Variants in PROZ observed in about 807,000 individuals in gnomAD.
PROZ encodes vitamin K-dependent protein Z.
Under a neutral mutation model 34.9 loss-of-function variants are expected in PROZ, and 46 were observed. The ratio of observed to expected loss-of-function variants is 1.32; its 90% CI spans 1.04 to 1.69. The LOEUF (loss-of-function observed/expected upper bound fraction) is 1.69. Ranked by LOEUF, PROZ falls within the 40% of genes most tolerant of loss-of-function variation. The pLI is 0.00. For missense variants in PROZ, 530 were observed against 520.4 expected, an observed-to-expected ratio of 1.02 and a Z score of -0.18; for synonymous variants, 195 against 208.5, an observed-to-expected ratio of 0.94 and a Z score of 0.56.
At position 113,171,834 on chromosome 13, in the gene PROZ, G is replaced by A; in HGVS notation, c.932G>A (p.Gly311Asp). 6.2e-7 allele frequency: 1 copy of A among 1,613,640 alleles called. No homozygotes were observed. The highest frequency in any genetic ancestry group is 1.3e-5 in the African/African-American group (1 of 75,056). The change falls in exon 8 of 8, where the codon GGC (glycine) becomes GAC (aspartate). Residue 311 changes from glycine (G) to aspartate (D), a missense_variant. By Grantham distance (94) the Gly-to-Asp change is moderately conservative. Coordinates refer to ENST00000375547, the MANE Select transcript of PROZ (RefSeq NM_003891.3). This position sits in a 1 kb window ranked among gnomAD's most constrained non-coding sequence, Gnocchi z 5.1. The part of the protein sequence containing the change: ...SGWARNGTDL[G>D]NSLTTRPVTL... ...TGGGCACGCAATGGCACTGACCTGG[G>A]CAACTCGCTGACCACGCGGCCTGTC...
At chr13:113,167,363 G>A (rs944934194) in intron 6 of PROZ, among the ~76,000 whole-genome samples, 3 of 152,192 alleles carry the variant, frequency 2.0e-5, no homozygotes, top group South Asian at 2.1e-4. Context: ...CAGGAACGAC[G>A]CCACGGTAAA....
rs146163809 is a variant in PROZ at position 113,165,114 on chromosome 13, G to A, written c.567G>A (p.Pro189=). ...EKRAPDLQDL[P]WQVKLTNSEG... ...GTGCACCGGATCTACAGGACCTCCC[G>A]TGGCAGGTAACAGAGCGCTCTCCGC... Residue 189 remains proline, a synonymous_variant, in exon 6 of 8, where the codon CCG becomes CCA. Coordinates refer to ENST00000375547, the MANE Select transcript of PROZ (RefSeq NM_003891.3). 12 of 1,611,494 alleles carry A rather than the reference G, an allele frequency of 7.4e-6. No homozygotes were observed. Among genetic ancestry groups the A allele is most frequent in the South Asian group, 3.3e-5 (3 of 91,076 alleles).
rs566235490 is a variant in PROZ at position 113,159,667 on chromosome 13, T to C, written c.71-347T>C. 6.6e-6 allele frequency among the ~76,000 whole-genome samples: 1 copy of C among 152,322 alleles called. No individual in the cohort carries two copies. The highest frequency in any genetic ancestry group is 2.4e-5 in the African/African-American group (1 of 41,582). On this transcript the variant is annotated intron_variant, in intron 1 of 7. Transcript: ENST00000375547. This position sits in a 1 kb window ranked among gnomAD's most constrained non-coding sequence, Gnocchi z 4.6. ...GGAGCTGATGGCTCTTGGTCCCCAG[T>C]TCTCAGTACGGGGACCTTTGACCCC...
In PROZ at chr13:113,159,932, C is replaced by T; in HGVS notation, c.71-82C>T. On this transcript the variant is annotated intron_variant, in intron 1 of 7. Transcript: ENST00000375547. The surrounding 1 kb of genome is among the most constrained non-coding windows in gnomAD (Gnocchi z 4.6). ...AGACGGACGGGGCTGGGGCTGGCGG[C>T]CGGCCGGGGAGGAAGCCAGGCAGCT... 4 of 1,553,366 alleles carry T rather than the reference C, an allele frequency of 2.6e-6. No homozygotes were observed. The South Asian group carries it at 4.5e-5, about 17-fold the overall frequency.
chr13:113,167,859 C>G (rs934195544), intron 6 of PROZ, among the ~76,000 whole-genome samples: 1 of 152,108 alleles, frequency 6.6e-6, no homozygotes, highest in African/African-American at 2.4e-5. Flanking sequence ...TTCTTTTCCC[C>G]TTTTTCTGCC....
rs2036865955 is a variant in PROZ at position 113,164,638 on chromosome 13, C to A, written c.499C>A (p.Pro167Thr). 2 of 1,613,670 alleles carry A rather than the reference C, an allele frequency of 1.2e-6. No individual in the cohort carries two copies. Among genetic ancestry groups the A allele is most frequent in the Non-Finnish European group, 8.5e-7 (1 of 1,179,950 alleles). The change falls in exon 5 of 8, where the codon CCC (proline) becomes ACC (threonine). Residue 167 changes from proline to threonine, a missense_variant. Pro to Thr is a conservative substitution (Grantham distance 38). Transcript: ENST00000375547. ...TGGTGAGGACCACAAACAGTGTGTG[C>A]CCCACGGTGAGTGCTCAGACCACAG... is the stretch of plus-strand genomic sequence containing the variant. Reference protein sequence around the residue: ...RLGEDHKQCVPHDQCACGVLT... With the variant: ...RLGEDHKQCVTHDQCACGVLT...
intron 7 of PROZ, 105 bp downstream of exon 7, chr13:113,170,635 A>G (rs2037083756): frequency 1.3e-6 from 1 of 763,512 alleles, no homozygotes; most frequent in Non-Finnish European, 2.3e-6. Flanking sequence ...AATGCAACAT[A>G]GAACTGAATT....
At position 113,171,487 on chromosome 13, in the gene PROZ, C is replaced by T. The variant is rs1203036329; in HGVS notation, c.692-107C>T. The T allele has an allele frequency of 1.3e-5, 19 of 1,450,180 alleles. No individual in the cohort carries two copies. The highest frequency in any genetic ancestry group is 1.7e-5 in the Non-Finnish European group (18 of 1,055,946). 89.8% of individuals were successfully genotyped at this position (1,450,180 alleles called of 1,614,324 possible). A position where few individuals can be genotyped will look rare whatever the true frequency, so the allele number is the denominator to read the frequency against. On this transcript the variant is annotated intron_variant, in intron 7 of 7. Transcript: ENST00000375547. This position sits in a 1 kb window ranked among gnomAD's most constrained non-coding sequence, Gnocchi z 5.1. The stretch of plus-strand genomic sequence containing the variant: ...CGGGGCGGTGAGCCTGCGGGTCCTC[C>T]AGGGCCGGTCTCTCCCTCCTCACGT...
Position 113,158,683 on chromosome 13 carries a change from T to A in PROZ, c.23T>A (p.Leu8His). 6 of 1,606,342 alleles carry A rather than the reference T, an allele frequency of 3.7e-6. No individual in the cohort carries two copies. Among genetic ancestry groups the A allele is most frequent in the Non-Finnish European group, 4.2e-6 (5 of 1,177,044 alleles). MAGCVPL[L>H]QGLVLVLALH... is the part of the protein sequence containing the mutation. ...GGAATGGCAGGCTGCGTCCCACTGC[T>A]CCAGGGCCTGGTCCTGGTCCTCGCC... is the stretch of plus-strand genomic sequence containing the variant. The change falls in exon 1 of 8, where the codon CTC becomes CAC. Residue 8 changes from leucine to histidine, a missense_variant. Leu to His is a moderately conservative substitution (Grantham distance 99, BLOSUM62 -3). Coordinates refer to ENST00000375547, the MANE Select transcript of PROZ (RefSeq NM_003891.3). The surrounding 1 kb of genome is among the most constrained non-coding windows in gnomAD (Gnocchi z 4.3).
chr13:113,169,318 A>G (rs2037041039), intron 6 of PROZ, among the ~76,000 whole-genome samples: 1 of 152,244 alleles, frequency 6.6e-6, no homozygotes, highest in Non-Finnish European at 1.5e-5. Context: ...TTTTAAAAAT[A>G]CGTATTTTTG....
chr13:113,163,597 C>T (rs1259932603), intron 4 of PROZ, among the ~76,000 whole-genome samples: 1 of 152,198 alleles, frequency 6.6e-6, no homozygotes, highest in African/African-American at 2.4e-5. Flanking sequence ...ACTTGGAGCC[C>T]GTTTCTCTGG....
At chr13:113,163,242 C>T (rs1033293080) in intron 4 of PROZ, 120 bp downstream of exon 4, 12 of 841,782 alleles carry the variant, frequency 1.4e-5, no homozygotes, top group African/African-American at 5.0e-5. Context: ...CTGTGTGAAC[C>T]GCGATTTGGC....
At chr13:113,170,236 C>T (rs1237933072) in intron 6 of PROZ, among the ~76,000 whole-genome samples, 177 bp from the exon 7 acceptor site, 1 of 136,288 alleles carries the variant, frequency 7.3e-6, no homozygotes, top group African/African-American at 2.8e-5. Context: ...GTCAACAATT[C>T]GTTAACAATC....
intron 2 of PROZ, 130 bp from the exon 3 acceptor site, chr13:113,160,818 A>T: frequency 2.6e-6 from 2 of 783,964 alleles, no homozygotes; most frequent in East Asian, 2.6e-5. Flanking sequence ...AAAATTGTGC[A>T]TTGTTTCAAC....
intron 3 of PROZ, among the ~76,000 whole-genome samples, chr13:113,161,756 GC>G (rs529111232): frequency 4.3e-5 from 4 of 92,274 alleles, no homozygotes; most frequent in African/African-American, 1.2e-4. Context: ...GCCACCCCCT[GC>G]CCCCCCGTCC....
In PROZ at chr13:113,160,942, C is replaced by G. The variant is rs776098314; in HGVS notation, c.235-6C>G. ...TTTGTAACATTTTTATGTTTTAACT[C>G]TAAAGGATGAATTCTGGAGACGATA... is the stretch of plus-strand genomic sequence containing the variant. On this transcript the variant is annotated splice_region_variant and splice_polypyrimidine_tract_variant and intron_variant, in intron 2 of 7. Coordinates refer to ENST00000375547, the MANE Select transcript of PROZ (RefSeq NM_003891.3). 2 of 1,600,976 alleles carry G rather than the reference C, an allele frequency of 1.2e-6. No homozygotes were observed. Among genetic ancestry groups the G allele is most frequent in the Non-Finnish European group, 1.7e-6 (2 of 1,168,512 alleles).
In PROZ at chr13:113,159,180, G is replaced by A; in HGVS notation, c.70+450G>A. On this transcript the variant is annotated intron_variant, in intron 1 of 7. Transcript: ENST00000375547. The surrounding 1 kb of genome is among the most constrained non-coding windows in gnomAD (Gnocchi z 4.6). ...CAGGGAGCAGCCACCCTGCCTGCCT[G>A]CCACCCTTCTACCACCAGCCACTTC... 1 of 1,504,680 alleles carries A rather than the reference G, an allele frequency of 6.6e-7. No homozygotes were observed. The highest frequency in any genetic ancestry group is 9.0e-7 in the Non-Finnish European group (1 of 1,105,114). 93.2% of individuals were successfully genotyped at this position (1,504,680 alleles called of 1,614,324 possible).
rs981793298 is a variant in PROZ at position 113,159,380 on chromosome 13, G to A, written c.71-634G>A. The A allele has an allele frequency of 1.4e-5, 15 of 1,101,850 alleles. No individual in the cohort carries two copies. The highest frequency in any genetic ancestry group is 5.2e-5 in the East Asian group (2 of 38,726). 68.3% of individuals were successfully genotyped at this position (1,101,850 alleles called of 1,614,324 possible). On this transcript the variant is annotated intron_variant, in intron 1 of 7. Coordinates refer to ENST00000375547, the MANE Select transcript of PROZ (RefSeq NM_003891.3). This position sits in a 1 kb window ranked among gnomAD's most constrained non-coding sequence, Gnocchi z 4.6. ...GCCCTGCCCAGCACTTACCGTAGCCGGACTTAGCTGAGCCCCCCCTGCTGT... is the reference window on the plus strand; with the variant it reads ...GCCCTGCCCAGCACTTACCGTAGCCAGACTTAGCTGAGCCCCCCCTGCTGT...
Position 113,171,983 on chromosome 13 carries a change from C to G in PROZ, c.1081C>G (p.His361Asp). 1.9e-6 allele frequency: 3 copies of G among 1,613,384 alleles called. No homozygotes were observed. The highest frequency in any genetic ancestry group is 2.5e-6 in the Non-Finnish European group (3 of 1,180,014). ...GGATGGAAGTGTGGTCACCAGAGAA[C>G]ACAGAGGCTCCTGGTTTCTCACGGG... ...WMDGSVVTRE[H>D]RGSWFLTGVL... The change falls in exon 8 of 8, where the codon CAC becomes GAC. Residue 361 changes from histidine to aspartate, a missense_variant. His to Asp is a moderately conservative substitution (Grantham distance 81, BLOSUM62 -1). Coordinates refer to ENST00000375547, the MANE Select transcript of PROZ (RefSeq NM_003891.3). The surrounding 1 kb of genome is among the most constrained non-coding windows in gnomAD (Gnocchi z 5.1).
Sources: allele counts gnomAD v4.1 joint callset (sites outside exome capture counted in the v4.1 genomes callset), GRCh38; gene constraint gnomAD v4.1.1; non-coding constraint Gnocchi (gnomAD v3.1); transcripts MANE v1.5; gene names NCBI Gene and HGNC (gene_info 2026-07-23, HGNC 2026-07-21).